Variants in WDR20 observed in about 807,000 individuals in gnomAD.
WDR20 encodes WD repeat-containing protein 20.
A neutral mutation model predicts 38.7 loss-of-function variants in WDR20; 3 were observed. The ratio of observed to expected loss-of-function variants is 0.08; its 90% CI spans 0.04 to 0.20. The LOEUF is 0.20. Among genes scored for constraint, WDR20 ranks in the 10% least tolerant of loss-of-function variants. The pLI is 1.00. For missense variants in WDR20, 559 were observed against 727.7 expected (o/e 0.77, Z 2.67); for synonymous variants, 298 against 285.6 (o/e 1.04, Z -0.44).
chr14:102,181,869 T>C (rs2063461212), intron 1 of WDR20, among the ~76,000 whole-genome samples: 1 of 152,200 alleles, frequency 6.6e-6, no homozygotes, highest in Non-Finnish European at 1.5e-5. Flanking sequence ...TATTCAGTTC[T>C]AAGTGGGTTG....
In WDR20 at chr14:102,210,142, G is replaced by C. The variant is rs1003553889; in HGVS notation, c.*262G>C. 20 of 1,182,416 alleles carry C rather than the reference G, an allele frequency of 1.7e-5. No homozygotes were observed. The highest frequency in any genetic ancestry group is 2.1e-5 in the Non-Finnish European group (20 of 955,004). The allele number at this position is 1,182,416 out of a possible 1,614,324, so 73.2% of individuals were successfully genotyped here. On this transcript the variant is annotated 3_prime_UTR_variant, in exon 3 of 3. Transcript: ENST00000342702. ...GAGTATATAGAGTCCCAAGGTTAGC[G>C]CTCCTGTATTAGACTATTTCAATTT...
intron 1 of WDR20, among the ~76,000 whole-genome samples, chr14:102,148,111 T>C (rs1315625890): frequency 2.0e-5 from 3 of 152,274 alleles, no homozygotes; most frequent in Non-Finnish European, 4.4e-5. Flanking sequence ...TGTTTCTCAG[T>C]GAGGTTAGTT....
chr14:102,192,463 G>A (rs2058680487), intron 1 of WDR20, among the ~76,000 whole-genome samples: 1 of 152,150 alleles, frequency 6.6e-6, no homozygotes, highest in South Asian at 2.1e-4. Context: ...ACAGGCGTGA[G>A]CCACCGTGCC....
intron 1 of WDR20, among the ~76,000 whole-genome samples, chr14:102,181,847 T>G (rs1276361401): frequency 6.6e-6 from 1 of 152,122 alleles, no homozygotes; most frequent in Non-Finnish European, 1.5e-5. Context: ...TAGCCTTCAG[T>G]GTGGAGCTTC....
intron 2 of WDR20, among the ~76,000 whole-genome samples, chr14:102,204,155 A>C (rs2061059734): frequency 6.6e-6 from 1 of 151,912 alleles, no homozygotes; most frequent in Non-Finnish European, 1.5e-5. Flanking sequence ...GGGAGACAGC[A>C]TGCTCGCTTT....
At chr14:102,145,985 AGTT>A (rs1382001284) in intron 1 of WDR20, among the ~76,000 whole-genome samples, 11 of 149,230 alleles carry the variant, frequency 7.4e-5, no homozygotes, top group Middle Eastern at 3.5e-3. Flanking sequence ...TTCTGTACTC[AGTT>A]GTTTTTTTTT....
chr14:102,157,483 C>CT (rs2057697504), intron 1 of WDR20, among the ~76,000 whole-genome samples: 1 of 152,104 alleles, frequency 6.6e-6, no homozygotes, highest in Admixed American at 6.5e-5. Context: ...GCTGGCCATG[C>CT]TTTTTGCTTC....
intron 2 of WDR20, among the ~76,000 whole-genome samples, chr14:102,203,407 GTGTTT>G (rs1254863324): frequency 6.6e-6 from 1 of 152,128 alleles, no homozygotes; most frequent in Non-Finnish European, 1.5e-5. Context: ...AACCCTGTGT[GTGTTT>G]ACACTGACAG....
At position 102,148,540 on chromosome 14, in the gene WDR20, C is replaced by CAAA. The variant is rs57236717; in HGVS notation, c.249+8381_249+8383dup. ...GGGTGACAGAGCTGAGACTCTGTCTCAAAAAAAAAAAAAAATCATAATCCT... is the reference window on the plus strand; with the variant it reads ...GGGTGACAGAGCTGAGACTCTGTCTCAAAAAAAAAAAAAAAAAATCATAATCCT... On this transcript the variant is annotated intron_variant, in intron 1 of 2. Transcript: ENST00000342702. Among the ~76,000 whole-genome samples the CAAA allele has an allele frequency of 3.9e-3, 507 of 131,684 alleles. 4 individuals are homozygous for CAAA. The highest frequency in any genetic ancestry group is 0.015 in the African/African-American group (470 of 31,584). The allele number at this position is 131,684 out of a possible 152,430, so 86.4% of individuals were successfully genotyped here.
chr14:102,195,395 C>T (rs2059245945), intron 2 of WDR20, among the ~76,000 whole-genome samples: 1 of 152,174 alleles, frequency 6.6e-6, no homozygotes, highest in South Asian at 2.1e-4. Context: ...AGGGACAGTA[C>T]TGTAACTCGG....
rs541278863 is a variant in WDR20, at chr14:102,160,469, C to T, written c.249+20297C>T. Among the ~76,000 whole-genome samples, 3 of 152,210 alleles carry T rather than the reference C, an allele frequency of 2.0e-5. No individual in the cohort carries two copies. The South Asian group carries it at 6.2e-4, about 32-fold the overall frequency. On this transcript the variant is annotated intron_variant, in intron 1 of 2. Transcript: ENST00000342702. The stretch of plus-strand genomic sequence containing the variant: ...CAGAGATGGGAAGGAATTGAGGGAA[C>T]ATACTGTGTATGGTATTTTACATCT...
chr14:102,172,571 G>A (rs1456561289), intron 1 of WDR20, among the ~76,000 whole-genome samples: 6 of 147,128 alleles, frequency 4.1e-5, no homozygotes, highest in East Asian at 2.0e-4. Flanking sequence ...CGGGGCGGCT[G>A]GCCGGGCAGA....
chr14:102,173,206 G>A (rs1274619307), intron 1 of WDR20, among the ~76,000 whole-genome samples: 4 of 148,526 alleles, frequency 2.7e-5, no homozygotes, highest in Non-Finnish European at 5.9e-5. Context: ...TTCACCTCCT[G>A]GGTTCAAGTG....
At chr14:102,165,621 T>C (rs554344844) in intron 1 of WDR20, among the ~76,000 whole-genome samples, 28 of 151,086 alleles carry the variant, frequency 1.9e-4, no homozygotes, top group Admixed American at 8.6e-4. Flanking sequence ...TTTTTGTTTC[T>C]TTTTCTTTTC....
chr14:102,154,581 A>G (rs1364544982), intron 1 of WDR20, among the ~76,000 whole-genome samples: 4 of 152,180 alleles, frequency 2.6e-5, no homozygotes, highest in African/African-American at 7.2e-5. Context: ...TTACTTATGT[A>G]TGCATTTGTC....
intron 1 of WDR20, among the ~76,000 whole-genome samples, chr14:102,142,774 CTTT>C (rs71116885): frequency 2.4e-4 from 20 of 85,038 alleles, no homozygotes; most frequent in Non-Finnish European, 3.5e-4. Flanking sequence ...GCTGTTTTGA[CTTT>C]TTTTTTTTTT....
chr14:102,147,375 C>T (rs1418468132), intron 1 of WDR20, among the ~76,000 whole-genome samples: 3 of 152,116 alleles, frequency 2.0e-5, no homozygotes, highest in Non-Finnish European at 2.9e-5. Context: ...GGCAACAAAG[C>T]GAGACCTTCC....
chr14:102,178,416 C>CGT (rs2062634174), intron 1 of WDR20, among the ~76,000 whole-genome samples: 1 of 151,452 alleles, frequency 6.6e-6, no homozygotes, highest in African/African-American at 2.4e-5. Flanking sequence ...AATTGTTTGG[C>CGT]GTGTGTGTAT....
chr14:102,141,014 G>T (rs190540380), intron 1 of WDR20, among the ~76,000 whole-genome samples: 1 of 152,292 alleles, frequency 6.6e-6, no homozygotes, highest in East Asian at 1.9e-4. Flanking sequence ...CTTGGCGGGC[G>T]AGTTACCGGT....
Sources: gnomAD v4.1 joint callset for allele counts (sites outside exome capture counted in the v4.1 genomes callset) on GRCh38, gnomAD v4.1.1 for gene constraint, MANE v1.5 for transcripts, NCBI Gene and HGNC (gene_info 2026-07-23, HGNC 2026-07-21) for gene names.